The following NAA16 variants were observed in gnomAD, a reference collection of about 807,000 sequenced individuals.
NAA16 encodes N-alpha-acetyltransferase 16, NatA auxiliary subunit.
NAA16 carries 97 observed loss-of-function variants against 110.3 expected under a neutral mutation model. The observed-to-expected ratio is 0.88, with a 90% CI of 0.75 to 1.04. NAA16 has a LOEUF of 1.04. Among genes scored for constraint, NAA16 ranks in the 50% least tolerant of loss-of-function variants. NAA16 has a pLI of 0.00. For missense variants in NAA16, 1,017 were observed against 1,005.1 expected, an observed-to-expected ratio of 1.01 and a Z score of -0.16; for synonymous variants, 372 against 330.6, an observed-to-expected ratio of 1.13 and a Z score of -1.36.
chr13:41,375,659 T>C lies in NAA16; in HGVS notation c.*57T>C. ...AAAGCTGAATTGAGATCAGGGTTTCTTTTCCAGGGTGCATTTTAATATACG... is the reference window on the plus strand; with the variant it reads ...AAAGCTGAATTGAGATCAGGGTTTCCTTTCCAGGGTGCATTTTAATATACG... On this transcript the variant is annotated 3_prime_UTR_variant, in exon 20 of 20. Transcript: ENST00000379406. 3 of 1,337,706 alleles carry C rather than the reference T, an allele frequency of 2.2e-6. No homozygotes were observed. The highest frequency in any genetic ancestry group is 3.0e-5 in the South Asian group (2 of 66,526). The allele number at this position is 1,337,706 out of a possible 1,614,324, so 82.9% of individuals were successfully genotyped here.
chr13:41,317,322 T>G (rs947657368), intron 2 of NAA16, among the ~76,000 whole-genome samples: 1 of 151,906 alleles, frequency 6.6e-6, no homozygotes, highest in Non-Finnish European at 1.5e-5. Context: ...TATTCTTTGG[T>G]AGATGTGTTT....
chr13:41,367,507 T>G lies in NAA16; in HGVS notation c.1608T>G (p.Arg536=). The stretch of plus-strand genomic sequence containing the variant: ...ACTGCATGAGAAAGATGACCCTTCG[T>G]GCCTATGTTGACCTTTTGAGATTAG... ...HTYCMRKMTL[R]AYVDLLRLED... The change falls in exon 14 of 20, where the codon CGT becomes CGG. Residue 536 remains arginine, a synonymous_variant. Coordinates refer to ENST00000379406, the MANE Select transcript of NAA16 (RefSeq NM_024561.5). The G allele has an allele frequency of 6.2e-7, 1 of 1,613,458 alleles. No individual in the cohort carries two copies.
At position 41,316,883 on chromosome 13, in the gene NAA16, A is replaced by C; in HGVS notation, c.92A>C (p.Lys31Thr). 1 of 1,613,814 alleles carries C rather than the reference A, an allele frequency of 6.2e-7. No homozygotes were observed. Among genetic ancestry groups the C allele is most frequent in the East Asian group, 2.2e-5 (1 of 44,824 alleles). Residue 31 changes from lysine (K) to threonine (T), a missense_variant, in exon 2 of 20, where the codon AAG (lysine) becomes ACG (threonine). Coordinates refer to ENST00000379406, the MANE Select transcript of NAA16 (RefSeq NM_024561.5). ...CAGAAGCAGTACAAAAATGGCCTCA[A>C]GTTTTGCAAGATGATTCTGTCGAAC... ...YEQKQYKNGL[K>T]FCKMILSNPK...
At chr13:41,346,138 T>G (rs1173528657) in intron 9 of NAA16, among the ~76,000 whole-genome samples, 1 of 152,260 alleles carries the variant, frequency 6.6e-6, no homozygotes, top group Non-Finnish European at 1.5e-5. Context: ...CATTGAGGCA[T>G]TCACTCTGAG....
intron 11 of NAA16, 137 bp downstream of exon 11, chr13:41,358,610 ATAT>A: frequency 6.9e-7 from 1 of 1,455,834 alleles, no homozygotes; most frequent in South Asian, 1.5e-5. Flanking sequence ...GTTTCATGTT[ATAT>A]TAATTGTATA....
chr13:41,319,362 C>T (rs1478411425), intron 3 of NAA16, among the ~76,000 whole-genome samples: 3 of 152,086 alleles, frequency 2.0e-5, no homozygotes, highest in Admixed American at 2.0e-4. Context: ...AGAAGAAAAA[C>T]TTAAACTTAT....
intron 9 of NAA16, among the ~76,000 whole-genome samples, chr13:41,348,626 T>A (rs1163792175): frequency 6.6e-6 from 1 of 152,184 alleles, no homozygotes; most frequent in Non-Finnish European, 1.5e-5. Flanking sequence ...CTTTATCAGA[T>A]TTTGCTATCA....
At chr13:41,323,772 A>G (rs1186539470) in intron 5 of NAA16, among the ~76,000 whole-genome samples, 1 of 152,012 alleles carries the variant, frequency 6.6e-6, no homozygotes, top group Non-Finnish European at 1.5e-5. Flanking sequence ...GGCATGAGCC[A>G]CCACGCCTGC....
chr13:41,341,584 G>T (rs938131111), intron 9 of NAA16, among the ~76,000 whole-genome samples: 3 of 152,034 alleles, frequency 2.0e-5, no homozygotes, highest in African/African-American at 7.2e-5. Context: ...GGTCATAGTG[G>T]CATGTACCTG....
chr13:41,374,605 CTT>C lies in NAA16; in HGVS notation c.2300-136_2300-135del, dbSNP rs1428596453. The stretch of plus-strand genomic sequence containing the variant: ...GGGAAGAAATGTCACACTTGGCTCT[CTT>C]GAGCTGGTAGGAGCCAGCTCCAGCT... On this transcript the variant is annotated intron_variant, in intron 18 of 19. Coordinates refer to ENST00000379406, the MANE Select transcript of NAA16 (RefSeq NM_024561.5). The C allele has an allele frequency of 1.2e-5, 7 of 580,784 alleles. No individual in the cohort carries two copies. The East Asian group carries it at 2.0e-4, about 17-fold the overall frequency. The allele number at this position is 580,784 out of a possible 1,614,324, so 36.0% of individuals were successfully genotyped here. A position where few individuals can be genotyped will look rare whatever the true frequency, so the allele number is the denominator to read the frequency against.
In NAA16 at chr13:41,375,664, C is replaced by A; in HGVS notation, c.*62C>A. ...TGAATTGAGATCAGGGTTTCTTTTC[C>A]AGGGTGCATTTTAATATACGTATGA... On this transcript the variant is annotated 3_prime_UTR_variant, in exon 20 of 20. Transcript: ENST00000379406. 1 of 1,308,488 alleles carries A rather than the reference C, an allele frequency of 7.6e-7. No individual in the cohort carries two copies. The highest frequency in any genetic ancestry group is 1.1e-6 in the Non-Finnish European group (1 of 951,480). 81.1% of individuals were successfully genotyped at this position (1,308,488 alleles called of 1,614,324 possible). A position where few individuals can be genotyped will look rare whatever the true frequency, so the allele number is the denominator to read the frequency against.
At chr13:41,373,376 G>A (rs576433918) in intron 17 of NAA16, 4 of 292,434 alleles carry the variant, frequency 1.4e-5, no homozygotes, top group African/African-American at 9.1e-5. Context: ...TCCTGACTCA[G>A]CCTCTTGAGT....
chr13:41,323,573 C>T (rs928921547), intron 5 of NAA16, among the ~76,000 whole-genome samples: 7 of 151,464 alleles, frequency 4.6e-5, no homozygotes, highest in Admixed American at 2.0e-4. Context: ...AGGATGGTCT[C>T]GATCTTCCGA....
intron 2 of NAA16, among the ~76,000 whole-genome samples, 164 bp downstream of exon 2, chr13:41,317,094 C>G (rs1372994357): frequency 6.6e-6 from 1 of 151,936 alleles, no homozygotes; most frequent in Non-Finnish European, 1.5e-5. Flanking sequence ...TTCTAGATTA[C>G]CTGTATTATC....
chr13:41,370,002 T>C (rs1475324519), intron 15 of NAA16, among the ~76,000 whole-genome samples: 1 of 152,208 alleles, frequency 6.6e-6, no homozygotes, highest in Admixed American at 6.5e-5. Context: ...TCATTTTACC[T>C]TATATGTCTT....
In NAA16 at chr13:41,375,622, T is replaced by C; in HGVS notation, c.*20T>C. The C allele has an allele frequency of 6.4e-7, 1 of 1,561,358 alleles. No individual in the cohort carries two copies. Among genetic ancestry groups the C allele is most frequent in the Non-Finnish European group, 8.8e-7 (1 of 1,142,394 alleles). ...ATTTGAAATCTTCTAGAAAGTAGAC[T>C]CCTATAGACTCAAAGCTGAATTGAG... On this transcript the variant is annotated 3_prime_UTR_variant, in exon 20 of 20. Transcript: ENST00000379406.
At chr13:41,313,409 G>A (rs112894813) in intron 1 of NAA16, among the ~76,000 whole-genome samples, 1 of 152,136 alleles carries the variant, frequency 6.6e-6, no homozygotes, top group East Asian at 1.9e-4. Context: ...ACAAGGTTGC[G>A]TGAATTTAGG....
At position 41,374,819 on chromosome 13, in the gene NAA16, A is replaced by G. The variant is rs776857258; in HGVS notation, c.2377A>G (p.Ile793Val). The G allele has an allele frequency of 6.8e-6, 11 of 1,608,302 alleles. No individual in the cohort carries two copies. The highest frequency in any genetic ancestry group is 6.7e-5 in the African/African-American group (5 of 74,656). The change falls in exon 19 of 20, where the codon ATA (isoleucine) becomes GTA (valine). Residue 793 changes from isoleucine (I) to valine (V), a missense_variant. Physicochemically the swap from Ile to Val is conservative, Grantham distance 29. Coordinates refer to ENST00000379406, the MANE Select transcript of NAA16 (RefSeq NM_024561.5). The stretch of plus-strand genomic sequence containing the variant: ...TATAGCCACTAGACTAGATGAAACT[A>G]TAAAAGATAAAGATGTAAAGGTAAG... ...IAIATRLDET[I>V]KDKDVKTLIK...
chr13:41,323,467 C>T (rs1018912585), intron 5 of NAA16, among the ~76,000 whole-genome samples: 13 of 151,564 alleles, frequency 8.6e-5, no homozygotes, highest in Admixed American at 8.5e-4. Flanking sequence ...TCTCCTGCCT[C>T]AGCCTCCAGA....
Sources: gnomAD v4.1 joint callset for allele counts (sites outside exome capture counted in the v4.1 genomes callset) on GRCh38, gnomAD v4.1.1 for gene constraint, MANE v1.5 for transcripts, NCBI Gene and HGNC (gene_info 2026-07-23, HGNC 2026-07-21) for gene names.